The following IL17D variants were observed in gnomAD, a reference collection of about 807,000 sequenced individuals.
IL17D encodes the protein interleukin 17D.
IL17D carries 10 observed loss-of-function variants against 5.7 expected under a neutral mutation model. The observed-to-expected ratio is 1.75, with a 90% CI of 1.08 to 2.97. The LOEUF (loss-of-function observed/expected upper bound fraction) is 2.97, where lower values mean the gene tolerates loss of function less well. Among genes scored for constraint, IL17D ranks in the 30% most tolerant of loss-of-function variants. The pLI, the probability that IL17D is intolerant of heterozygous loss-of-function variation, is 0.00. For synonymous variants in IL17D, 172 were observed against 141.7 expected (o/e 1.21, Z -1.52); for missense variants, 354 against 292.7 (o/e 1.21, Z -1.53).
intron 1 of IL17D, among the ~76,000 whole-genome samples, chr13:20,714,989 T>G (rs9506538): frequency 0.4 from 61,408 of 152,018 alleles, 13,418 homozygotes; most frequent in Non-Finnish European, 0.5. Flanking sequence ...CCCACAGCCG[T>G]CCTGGCTGCA....
At chr13:20,710,756 G>T (rs1165061693) in intron 1 of IL17D, among the ~76,000 whole-genome samples, 1 of 151,640 alleles carries the variant, frequency 6.6e-6, no homozygotes, top group Non-Finnish European at 1.5e-5. Context: ...TTTTCTCTAG[G>T]TTATGAATAA....
At chr13:20,706,192 C>T (rs1208718867) in intron 1 of IL17D, among the ~76,000 whole-genome samples, 1 of 152,194 alleles carries the variant, frequency 6.6e-6, no homozygotes, top group African/African-American at 2.4e-5. Flanking sequence ...CTGGAGCCTG[C>T]AGGGCACACA....
chr13:20,720,583 G>C (rs1385278761), intron 1 of IL17D, among the ~76,000 whole-genome samples: 1 of 151,986 alleles, frequency 6.6e-6, no homozygotes, highest in African/African-American at 2.4e-5. Context: ...TTCACCCTGG[G>C]CTCCCACCTC....
intron 1 of IL17D, among the ~76,000 whole-genome samples, chr13:20,720,248 ATT>A (rs2058720560): frequency 6.6e-6 from 1 of 152,006 alleles, no homozygotes; most frequent in African/African-American, 2.4e-5. Flanking sequence ...CTATCATCTT[ATT>A]TAACCACCAT....
At chr13:20,720,195 C>A (rs537561100) in intron 1 of IL17D, among the ~76,000 whole-genome samples, 1 of 152,266 alleles carries the variant, frequency 6.6e-6, no homozygotes, top group African/African-American at 2.4e-5. Context: ...GTACTCTGCT[C>A]TCCTCTGCCT....
chr13:20,715,376 CATT>C (rs2058671264), intron 1 of IL17D, among the ~76,000 whole-genome samples: 1 of 152,168 alleles, frequency 6.6e-6, no homozygotes, highest in African/African-American at 2.4e-5. Flanking sequence ...CTTATGTACT[CATT>C]AGAGGAAATG....
chr13:20,722,199 C>T lies in IL17D; in HGVS notation c.*245C>T, dbSNP rs2058742446. ...CTGATGGGAAACGACCCGGCACGGGCATCCTGTGTGCGGCCCGCATGGAGG... is the reference window on the plus strand; with the variant it reads ...CTGATGGGAAACGACCCGGCACGGGTATCCTGTGTGCGGCCCGCATGGAGG... On this transcript the variant is annotated 3_prime_UTR_variant, in exon 2 of 2. Coordinates refer to ENST00000682841, the MANE Select transcript of IL17D (RefSeq NM_001385224.1). The T allele has an allele frequency of 2.0e-6, 1 of 509,730 alleles. No homozygotes were observed. The highest frequency in any genetic ancestry group is 2.9e-5 in the South Asian group (1 of 34,426). 31.6% of individuals were successfully genotyped at this position (509,730 alleles called of 1,614,324 possible).
chr13:20,703,107 C>T, upstream of IL17D: 1 of 185,742 alleles, frequency 5.4e-6, no homozygotes, highest in Non-Finnish European at 1.0e-5. Flanking sequence ...GGCCCGCACC[C>T]GCGCCCGGCA....
At position 20,716,762 on chromosome 13, in the gene IL17D, A is replaced by G. The variant is rs2141393953; in HGVS notation, c.291-4874A>G. Reference sequence around the variant, plus strand: ...ACACATTTCGGTGCTTGTGGGTTCTAGCCAAGATTGGAGAAGGCATTGCCC... The same window carrying G: ...ACACATTTCGGTGCTTGTGGGTTCTGGCCAAGATTGGAGAAGGCATTGCCC... On this transcript the variant is annotated intron_variant, in intron 1 of 1. Transcript: ENST00000682841. This position sits in a 1 kb window ranked among gnomAD's most constrained non-coding sequence, Gnocchi z 4.2. Among the ~76,000 whole-genome samples, 1 of 152,340 alleles carries G rather than the reference A, an allele frequency of 6.6e-6. No individual in the cohort carries two copies.
At position 20,721,620 on chromosome 13, in the gene IL17D, T is replaced by G; in HGVS notation, c.291-16T>G. ...CTGCCCCCAGGCGTGACCTCACCCG[T>G]GCTCTCTCCCTGCAGAATCTCCTAC... On this transcript the variant is annotated splice_polypyrimidine_tract_variant and intron_variant, in intron 1 of 1. Transcript: ENST00000682841. 1 of 1,575,184 alleles carries G rather than the reference T, an allele frequency of 6.3e-7. No individual in the cohort carries two copies. Among genetic ancestry groups the G allele is most frequent in the South Asian group, 1.2e-5 (1 of 85,206 alleles).
At chr13:20,710,745 C>T (rs192969213) in intron 1 of IL17D, among the ~76,000 whole-genome samples, 2 of 150,370 alleles carry the variant, frequency 1.3e-5, no homozygotes, top group South Asian at 2.1e-4. Context: ...CTAAAGATAA[C>T]TTTTCTCTAG....
chr13:20,702,957 G>A (rs1031107303), upstream of IL17D: 3 of 152,240 alleles, frequency 2.0e-5, no homozygotes, highest in Admixed American at 6.5e-5. Context: ...CCTCTTCCAG[G>A]GGGCCTATTC....
chr13:20,712,183 CTT>C (rs1487372269), intron 1 of IL17D, among the ~76,000 whole-genome samples: 1 of 152,258 alleles, frequency 6.6e-6, no homozygotes, highest in Non-Finnish European at 1.5e-5. Context: ...GTTCGCATCA[CTT>C]TCTCTCCATC....
chr13:20,708,981 AAGAAAG>A (rs1293584941), intron 1 of IL17D, among the ~76,000 whole-genome samples: 1 of 149,058 alleles, frequency 6.7e-6, no homozygotes, highest in African/African-American at 2.4e-5. Context: ...AAAAAAAAGA[AAGAAAG>A]AAAAGAAAAG....
At position 20,722,843 on chromosome 13, in the gene IL17D, C is replaced by T. The variant is rs1478745289; in HGVS notation, c.*889C>T. ...TGGTGAGATAAGAAGTGGAACGTGA[C>T]ATCTTTGCCAGTTGTCAGAAGAATC... On this transcript the variant is annotated 3_prime_UTR_variant, in exon 2 of 2. Transcript: ENST00000682841. 1.3e-5 allele frequency: 2 copies of T among 152,218 alleles called. No individual in the cohort carries two copies. Among genetic ancestry groups the T allele is most frequent in the Non-Finnish European group, 1.5e-5 (1 of 68,052 alleles). 9.4% of individuals were successfully genotyped at this position (152,218 alleles called of 1,614,324 possible).
chr13:20,722,190 C>A lies in IL17D; in HGVS notation c.*236C>A. ...GGCTGGAAGCTGATGGGAAACGACC[C>A]GGCACGGGCATCCTGTGTGCGGCCC... is the stretch of plus-strand genomic sequence containing the variant. On this transcript the variant is annotated 3_prime_UTR_variant, in exon 2 of 2. Coordinates refer to ENST00000682841, the MANE Select transcript of IL17D (RefSeq NM_001385224.1). The A allele has an allele frequency of 1.9e-6, 1 of 513,918 alleles. No individual in the cohort carries two copies. Among genetic ancestry groups the A allele is most frequent in the East Asian group, 3.3e-5 (1 of 30,004 alleles). The allele number at this position is 513,918 out of a possible 1,614,324, so 31.8% of individuals were successfully genotyped here. A position where few individuals can be genotyped will look rare whatever the true frequency, so the allele number is the denominator to read the frequency against.
chr13:20,719,438 C>G (rs1009942366), intron 1 of IL17D, among the ~76,000 whole-genome samples: 1 of 145,940 alleles, frequency 6.9e-6, no homozygotes, highest in African/African-American at 2.5e-5. Flanking sequence ...CCTGACCACA[C>G]CCACTTGCCT....
chr13:20,704,319 C>G, intron 1 of IL17D, 28 bp downstream of exon 1: 1 of 1,162,644 alleles, frequency 8.6e-7, no homozygotes, highest in Non-Finnish European at 1.1e-6. Flanking sequence ...CCTGGCGGGG[C>G]CCGGCAGGTG....
At chr13:20,710,451 T>A (rs368048281) in intron 1 of IL17D, among the ~76,000 whole-genome samples, 45 of 83,470 alleles carry the variant, frequency 5.4e-4, no homozygotes, top group Admixed American at 1.2e-3. Context: ...CCATCTCTAC[T>A]AAAAAAAAAA....
Sources: allele counts gnomAD v4.1 joint callset (sites outside exome capture counted in the v4.1 genomes callset), GRCh38; gene constraint gnomAD v4.1.1; non-coding constraint Gnocchi (gnomAD v3.1); transcripts MANE v1.5; gene names NCBI Gene and HGNC (gene_info 2026-07-23, HGNC 2026-07-21).